RASSF3: variants seen among roughly 807,000 people sequenced by gnomAD.
RASSF3 encodes the protein Ras association domain family member 3.
RASSF3 carries 19 observed loss-of-function variants against 19.9 expected under a neutral mutation model. That is an observed-to-expected ratio of 0.96 (90% CI 0.67 to 1.40). The LOEUF is 1.40. Ranked by LOEUF, RASSF3 falls within the 40% of genes most tolerant of loss-of-function variation. The pLI, the probability that RASSF3 is intolerant of heterozygous loss-of-function variation, is 0.00. For missense variants in RASSF3, 306 were observed against 289.8 expected (o/e 1.06, Z -0.41); for synonymous variants, 110 against 104.2 (o/e 1.06, Z -0.34).
intron 1 of RASSF3, among the ~76,000 whole-genome samples, chr12:64,676,831 C>T (rs1011555434): frequency 8.6e-5 from 13 of 151,032 alleles, no homozygotes; most frequent in African/African-American, 2.9e-4. Context: ...TGCAGTGGCA[C>T]GATCTTGGCT....
At position 64,668,058 on chromosome 12, in the gene RASSF3, A is replaced by T. The variant is rs576572988; in HGVS notation, c.112-16729A>T. On this transcript the variant is annotated intron_variant, in intron 1 of 4. Coordinates refer to ENST00000542104, the MANE Select transcript of RASSF3 (RefSeq NM_178169.4). ...GTTGGCCAGGCCTTGTGTTCACCACATTCTGCTTCTGTGCTCTTAGCTTTC... is the reference window on the plus strand; with the variant it reads ...GTTGGCCAGGCCTTGTGTTCACCACTTTCTGCTTCTGTGCTCTTAGCTTTC... 2.3e-4 allele frequency among the ~76,000 whole-genome samples: 35 copies of T among 152,342 alleles called. No homozygotes were observed. In the South Asian group the frequency reaches 5.0e-3, roughly 22 times the overall value.
At chr12:64,683,161 G>A (rs1873201354) in intron 1 of RASSF3, among the ~76,000 whole-genome samples, 1 of 152,202 alleles carries the variant, frequency 6.6e-6, no homozygotes, top group African/African-American at 2.4e-5. Flanking sequence ...AGAGCTCCCA[G>A]TAAAGGTTGG....
chr12:64,543,684 G>A (rs902012757), downstream of RASSF3, among the ~76,000 whole-genome samples: 40 of 151,374 alleles, frequency 2.6e-4, no homozygotes, highest in African/African-American at 9.4e-4. Flanking sequence ...CGCCCCTAGT[G>A]CGCGATCCAC....
intron 1 of RASSF3, among the ~76,000 whole-genome samples, chr12:64,652,923 A>ACC (rs1872014384): frequency 6.6e-6 from 1 of 152,164 alleles, no homozygotes; most frequent in Non-Finnish European, 1.5e-5. Flanking sequence ...GGGGGCTATA[A>ACC]GTTCTGGATT....
At chr12:64,692,569 A>C (rs530729795) in intron 4 of RASSF3, among the ~76,000 whole-genome samples, 4 of 152,266 alleles carry the variant, frequency 2.6e-5, no homozygotes, top group African/African-American at 9.6e-5. Flanking sequence ...TTTGGGGAGA[A>C]GGCAGGGTGC....
chr12:64,520,549 T>TACAC (rs1157799363), intron 1 of RASSF3, among the ~76,000 whole-genome samples: 881 of 78,834 alleles, frequency 0.011, 8 homozygotes, highest in East Asian at 0.019. Flanking sequence ...GATACACACA[T>TACAC]ACACACATAT....
intron 2 of RASSF3, among the ~76,000 whole-genome samples, chr12:64,549,114 G>A (rs1328765538): frequency 6.6e-6 from 1 of 152,180 alleles, no homozygotes; most frequent in Non-Finnish European, 1.5e-5. Flanking sequence ...AAGGGTGAAG[G>A]TGTTAGAAGA....
At chr12:64,640,166 A>G (rs973144266) in intron 1 of RASSF3, among the ~76,000 whole-genome samples, 2 of 152,174 alleles carry the variant, frequency 1.3e-5, no homozygotes, top group Non-Finnish European at 2.9e-5. Context: ...TTTATTGAGT[A>G]TAATTGATAT....
intron 2 of RASSF3, among the ~76,000 whole-genome samples, chr12:64,580,512 T>C (rs1313839234): frequency 6.6e-6 from 1 of 151,234 alleles, no homozygotes; most frequent in Non-Finnish European, 1.5e-5. Flanking sequence ...TGCAGTGAGC[T>C]ATGATCATGA....
At chr12:64,560,444 C>A (rs1444161019) in intron 2 of RASSF3, among the ~76,000 whole-genome samples, 1 of 152,144 alleles carries the variant, frequency 6.6e-6, no homozygotes, top group Non-Finnish European at 1.5e-5. Flanking sequence ...CTCTGCTCTC[C>A]CTGTAGCTAT....
At chr12:64,689,588 T>G (rs1037799300) in intron 3 of RASSF3, among the ~76,000 whole-genome samples, 3 of 152,208 alleles carry the variant, frequency 2.0e-5, no homozygotes, top group Non-Finnish European at 4.4e-5. Flanking sequence ...CCAGTTTCTT[T>G]GCCTGCTCAC....
intron 1 of RASSF3, among the ~76,000 whole-genome samples, chr12:64,616,069 A>G (rs1426037872): frequency 6.6e-6 from 1 of 152,186 alleles, no homozygotes; most frequent in African/African-American, 2.4e-5. Context: ...TGATTTACAC[A>G]TCTTTTCTGC....
upstream of RASSF3, among the ~76,000 whole-genome samples, chr12:64,530,197 T>C (rs1868677414): frequency 6.6e-6 from 1 of 152,228 alleles, no homozygotes; most frequent in African/African-American, 2.4e-5. Flanking sequence ...AATGGAATGA[T>C]ATAATATATA....
chr12:64,562,186 G>A (rs568031174), intron 2 of RASSF3, among the ~76,000 whole-genome samples: 17 of 151,964 alleles, frequency 1.1e-4, no homozygotes, highest in South Asian at 8.3e-4. Context: ...GACTACAGGC[G>A]TGCGCCACCG....
rs753741482 is a variant in RASSF3, at chr12:64,615,585, T to C, written c.111+4842T>C. Among the ~76,000 whole-genome samples, 4 of 152,348 alleles carry C rather than the reference T, an allele frequency of 2.6e-5. No homozygotes were observed. The South Asian group carries it at 8.3e-4, about 32-fold the overall frequency. On this transcript the variant is annotated intron_variant, in intron 1 of 4. Coordinates refer to ENST00000542104, the MANE Select transcript of RASSF3 (RefSeq NM_178169.4). ...AACAGTAATGAGCTGCACTCTTTTA[T>C]TAGTGTTTCCATTAGAAGTTTAGAG...
chr12:64,651,703 C>A (rs1232303867), intron 1 of RASSF3, among the ~76,000 whole-genome samples: 3 of 152,160 alleles, frequency 2.0e-5, no homozygotes, highest in Middle Eastern at 6.8e-3. Context: ...CTCACTGTTA[C>A]CCAGGATGGA....
At chr12:64,543,780 G>C (rs1452391185), downstream of RASSF3, among the ~76,000 whole-genome samples, 2 of 151,732 alleles carry the variant, frequency 1.3e-5, no homozygotes, top group East Asian at 3.9e-4. Context: ...ACACTAATTG[G>C]CTCTCAGTAT....
Position 64,592,724 on chromosome 12 carries a change from A to G in RASSF3, c.294+51019A>G, listed in dbSNP as rs942442046. On this transcript the variant is annotated intron_variant, in intron 2 of 5. Transcript: ENST00000637125. ...CAATCATAGCTCACTGCAGCCTTGA[A>G]CTCCTGGGCTCAAGGGATTCTCCTG... Among the ~76,000 whole-genome samples the G allele has an allele frequency of 2.0e-5, 3 of 151,842 alleles. No individual in the cohort carries two copies. In the South Asian group the frequency reaches 6.2e-4, roughly 32 times the overall value.
rs145786500 is a variant in RASSF3, at chr12:64,604,572, C to T, written c.294+62867C>T. 4.2e-3 allele frequency among the ~76,000 whole-genome samples: 639 copies of T among 152,228 alleles called. 1 individual carries two copies. The highest frequency in any genetic ancestry group is 0.015 in the African/African-American group (613 of 41,538). On this transcript the variant is annotated intron_variant, in intron 2 of 5. Coordinates refer to the RASSF3 transcript ENST00000637125. The stretch of plus-strand genomic sequence containing the variant: ...ATAGGCACTGACCAAAGAGAACAGC[C>T]GCTGATTGTATCGGTTCAACTATTA...
Sources: allele counts gnomAD v4.1 joint callset (sites outside exome capture counted in the v4.1 genomes callset), GRCh38; gene constraint gnomAD v4.1.1; transcripts MANE v1.5; gene names NCBI Gene and HGNC (gene_info 2026-07-23, HGNC 2026-07-21).